The following TBCEL variants were observed in gnomAD, a reference collection of about 807,000 sequenced individuals.
The protein encoded by TBCEL is tubulin-specific chaperone cofactor E-like protein.
In TBCEL, 15 loss-of-function variants were observed where a neutral mutation model predicts 44.2. That is an observed-to-expected ratio of 0.34 (90% CI 0.23 to 0.52). The LOEUF is 0.52. Among genes scored for constraint, TBCEL ranks in the 20% least tolerant of loss-of-function variants. The pLI is 0.95. For missense variants in TBCEL, 319 were observed against 506.3 expected, an observed-to-expected ratio of 0.63 and a Z score of 3.55; for synonymous variants, 171 against 185.4, an observed-to-expected ratio of 0.92 and a Z score of 0.63.
At chr11:121,028,665 G>T (rs1356676728) in intron 1 of TBCEL, among the ~76,000 whole-genome samples, 1 of 152,190 alleles carries the variant, frequency 6.6e-6, no homozygotes, top group Non-Finnish European at 1.5e-5. Flanking sequence ...TTTATCTGCT[G>T]TCATGATGAT....
chr11:121,076,902 A>T (rs1565506153), intron 8 of TBCEL, among the ~76,000 whole-genome samples: 1 of 152,064 alleles, frequency 6.6e-6, no homozygotes, highest in African/African-American at 2.4e-5. Flanking sequence ...TTCTGCATCT[A>T]TTGAAAAGTC....
chr11:121,036,947 A>G (rs1945242728), intron 2 of TBCEL, among the ~76,000 whole-genome samples: 1 of 152,224 alleles, frequency 6.6e-6, no homozygotes, highest in African/African-American at 2.4e-5. Flanking sequence ...AGAATTTTTG[A>G]TAGGTATTTT....
chr11:121,081,950 G>A (rs927430860), intron 8 of TBCEL, among the ~76,000 whole-genome samples: 1 of 152,090 alleles, frequency 6.6e-6, no homozygotes, highest in Non-Finnish European at 1.5e-5. Flanking sequence ...AAGTCTGCTG[G>A]CCTTACCTAT....
chr11:121,070,621 C>G (rs1306923379), intron 8 of TBCEL, among the ~76,000 whole-genome samples: 1 of 149,830 alleles, frequency 6.7e-6, no homozygotes, highest in Non-Finnish European at 1.5e-5. Context: ...CCAAACAGCG[C>G]ATGTTCTCAC....
At chr11:121,051,782 G>C (rs150028322) in intron 4 of TBCEL, among the ~76,000 whole-genome samples, 2,572 of 151,858 alleles carry the variant, frequency 0.017, 78 homozygotes, top group African/African-American at 0.059. Flanking sequence ...CCACTTTATA[G>C]GGTTAGTGTG....
chr11:121,067,947 G>C (rs1193413340), intron 8 of TBCEL, among the ~76,000 whole-genome samples: 2 of 152,220 alleles, frequency 1.3e-5, no homozygotes, highest in Non-Finnish European at 1.5e-5. Flanking sequence ...CTAAGCTAGA[G>C]ATATATTTCC....
chr11:121,024,524 T>TTGGGCTGGGC (rs146741117), intron 1 of TBCEL, among the ~76,000 whole-genome samples: 32 of 145,002 alleles, frequency 2.2e-4, no homozygotes, highest in African/African-American at 4.4e-4. Flanking sequence ...TGGGAGGGTC[T>TTGGGCTGGGC]TGGGCTGGGC....
intron 8 of TBCEL, among the ~76,000 whole-genome samples, chr11:121,067,164 C>T (rs906245590): frequency 2.0e-5 from 3 of 152,154 alleles, no homozygotes; most frequent in Admixed American, 6.5e-5. Context: ...AGCCGAATGT[C>T]CTTTATGGTA....
chr11:121,086,664 T>C, intron 8 of TBCEL, 114 bp from the exon 9 acceptor site: 2 of 792,132 alleles, frequency 2.5e-6, no homozygotes, highest in Non-Finnish European at 4.0e-6. Flanking sequence ...TGTGATAGAA[T>C]AAGATTTTTT....
chr11:121,086,980 T>C lies in TBCEL; in HGVS notation c.1159T>C (p.Tyr387His). 2 of 1,614,086 alleles carry C rather than the reference T, an allele frequency of 1.2e-6. No homozygotes were observed. The highest frequency in any genetic ancestry group is 1.7e-6 in the Non-Finnish European group (2 of 1,179,984). Residue 387 changes from tyrosine (Y) to histidine (H), a missense_variant, in exon 9 of 9, where the codon TAT becomes CAT. By Grantham distance (83) the Tyr-to-His change is moderately conservative (BLOSUM62 2). Transcript: ENST00000683345. The part of the protein sequence containing the change: ...QLPTSNMLLY[Y>H]FDHEAPFGPE... The stretch of plus-strand genomic sequence containing the variant: ...ACCCACAAGCAACATGCTTCTCTAC[T>C]ATTTTGACCATGAAGCACCCTTTGG...
At chr11:121,076,747 G>GA (rs1485013554) in intron 8 of TBCEL, among the ~76,000 whole-genome samples, 1 of 151,816 alleles carries the variant, frequency 6.6e-6, no homozygotes, top group Non-Finnish European at 1.5e-5. Context: ...CCCTGTTTAG[G>GA]AAAAAATCAT....
At chr11:121,038,371 A>G (rs1945272049) in intron 2 of TBCEL, among the ~76,000 whole-genome samples, 1 of 152,178 alleles carries the variant, frequency 6.6e-6, no homozygotes, top group Non-Finnish European at 1.5e-5. Context: ...TAACATATAC[A>G]TATGCTTTTC....
At chr11:121,049,946 A>T (rs1945500974) in intron 4 of TBCEL, among the ~76,000 whole-genome samples, 1 of 151,752 alleles carries the variant, frequency 6.6e-6, no homozygotes, top group African/African-American at 2.4e-5. Context: ...ATTTATACTC[A>T]GTTTGTGTAT....
At chr11:121,047,896 G>T (rs1591391273) in intron 4 of TBCEL, 3 of 211,900 alleles carry the variant, frequency 1.4e-5, no homozygotes, top group African/African-American at 3.1e-5. Context: ...AGGAATTCAA[G>T]ACCAGTCTGG....
intron 1 of TBCEL, among the ~76,000 whole-genome samples, chr11:121,031,243 C>T (rs1222741727): frequency 2.0e-5 from 3 of 152,174 alleles, no homozygotes; most frequent in Non-Finnish European, 4.4e-5. Flanking sequence ...TGTGCGTCTT[C>T]AACTTTACTA....
At chr11:121,034,660 G>C (rs993360949) in intron 1 of TBCEL, among the ~76,000 whole-genome samples, 25 of 152,054 alleles carry the variant, frequency 1.6e-4, no homozygotes, top group African/African-American at 6.0e-4. Context: ...TTAGGATATG[G>C]TTATTACTCT....
chr11:121,090,726 TAATA>T lies in TBCEL; in HGVS notation c.*3631_*3634del, dbSNP rs1339905910. 1 of 150,742 alleles carries T rather than the reference TAATA, an allele frequency of 6.6e-6. No individual in the cohort carries two copies. The highest frequency in any genetic ancestry group is 1.5e-5 in the Non-Finnish European group (1 of 67,756). 9.3% of individuals were successfully genotyped at this position (150,742 alleles called of 1,614,324 possible). A position where few individuals can be genotyped will look rare whatever the true frequency, so the allele number is the denominator to read the frequency against. On this transcript the variant is annotated 3_prime_UTR_variant, in exon 9 of 9. Transcript: ENST00000683345. ...AAGGTCTATTCTTTGCACTTTTTAT[TAATA>T]TATATATAGATAATCTTTAAAAAAA...
chr11:121,079,614 G>C (rs1403482023), intron 8 of TBCEL, among the ~76,000 whole-genome samples: 1 of 152,152 alleles, frequency 6.6e-6, no homozygotes, highest in Non-Finnish European at 1.5e-5. Context: ...GTTTTAATAA[G>C]TGGAATGTTG....
At chr11:121,064,387 G>C (rs939390843) in intron 8 of TBCEL, among the ~76,000 whole-genome samples, 1 of 152,144 alleles carries the variant, frequency 6.6e-6, no homozygotes, top group Non-Finnish European at 1.5e-5. Context: ...TTCCTTTTAG[G>C]GAAGTGGTGT....
Sources: allele counts gnomAD v4.1 joint callset (sites outside exome capture counted in the v4.1 genomes callset), GRCh38; gene constraint gnomAD v4.1.1; transcripts MANE v1.5; gene names NCBI Gene and HGNC (gene_info 2026-07-23, HGNC 2026-07-21).